DSP: variants seen among roughly 807,000 people sequenced by gnomAD.
DSP encodes desmoplakin, also known as 250/210 kDa paraneoplastic pemphigus antigen.
A neutral mutation model predicts 290.6 loss-of-function variants in DSP; 114 were observed. The observed-to-expected ratio is 0.39, with a 90% CI of 0.34 to 0.46. The LOEUF (loss-of-function observed/expected upper bound fraction) is 0.46. Ranked by LOEUF, DSP falls within the 20% of genes least tolerant of loss-of-function variation. The probability of loss-of-function intolerance (pLI) is 0.99; values close to 1 mark genes in which losing one functional copy is unlikely to be tolerated. For missense variants in DSP, 3,230 were observed against 3,495.8 expected, an observed-to-expected ratio of 0.92 and a Z score of 1.92; for synonymous variants, 1,311 against 1,316.4, an observed-to-expected ratio of 1.00 and a Z score of 0.09.
At chr6:7,544,388 C>T (rs1452414149) in intron 1 of DSP, among the ~76,000 whole-genome samples, 1 of 152,144 alleles carries the variant, frequency 6.6e-6, no homozygotes, top group African/African-American at 2.4e-5. Context: ...CCAAGGGAGC[C>T]ACTGCTCTCT....
chr6:7,546,538 A>G (rs1758175664), intron 1 of DSP, among the ~76,000 whole-genome samples: 1 of 152,196 alleles, frequency 6.6e-6, no homozygotes, highest in Non-Finnish European at 1.5e-5. Flanking sequence ...TAAAATATTT[A>G]AATGGCTTGC....
chr6:7,558,039 T>C, intron 2 of DSP, 77 bp from the exon 3 acceptor site: 3 of 1,520,452 alleles, frequency 2.0e-6, no homozygotes, highest in Non-Finnish European at 2.7e-6. Flanking sequence ...CAGTGGAAGC[T>C]CTTGCTTCCA....
chr6:7,551,285 T>C (rs987597405), intron 1 of DSP, among the ~76,000 whole-genome samples: 1 of 152,064 alleles, frequency 6.6e-6, no homozygotes, highest in African/African-American at 2.4e-5. Flanking sequence ...ATAACATATA[T>C]ATATATAATC....
chr6:7,586,199 C>CT lies in DSP; in HGVS notation c.*322dup, dbSNP rs1759669026. On this transcript the variant is annotated 3_prime_UTR_variant, in exon 24 of 24. Coordinates refer to ENST00000379802, the MANE Select transcript of DSP (RefSeq NM_004415.4). ...TGATCAATTCTTTAATTTTGGAAGC[C>CT]TATAATACAGTTTTCTATTCTTGGA... 8.2e-6 allele frequency: 2 copies of CT among 243,866 alleles called. No individual in the cohort carries two copies. The highest frequency in any genetic ancestry group is 6.4e-5 in the South Asian group (1 of 15,696). The allele number at this position is 243,866 out of a possible 1,614,324, so 15.1% of individuals were successfully genotyped here. A position where few individuals can be genotyped will look rare whatever the true frequency, so the allele number is the denominator to read the frequency against.
Position 7,572,022 on chromosome 6 carries a change from AC to A in DSP, c.2086del (p.Gln696ArgfsTer9). ...RMTLKNLPLA[D>X]QGSSHHITVK... ...ACTCTCAAAAACCTCCCTCTAGCAG[AC>A]CAGGGATCTTCTCACCACATCACAG... On this transcript the variant is annotated frameshift_variant, in exon 15 of 24. Coordinates refer to ENST00000379802, the MANE Select transcript of DSP (RefSeq NM_004415.4). LOFTEE classifies it high-confidence loss of function. 6.2e-7 allele frequency: 1 copy of A among 1,614,182 alleles called. No homozygotes were observed. The highest frequency in any genetic ancestry group is 2.2e-5 in the East Asian group (1 of 44,874).
At chr6:7,578,922 T>G (rs1759329404) in intron 22 of DSP, among the ~76,000 whole-genome samples, 2 of 152,250 alleles carry the variant, frequency 1.3e-5, no homozygotes, top group African/African-American at 4.8e-5. Flanking sequence ...TCATTTATGA[T>G]ACTTAAATTG....
At chr6:7,573,768 A>C (rs983490744) in intron 15 of DSP, among the ~76,000 whole-genome samples, 2 of 152,136 alleles carry the variant, frequency 1.3e-5, no homozygotes, top group South Asian at 4.1e-4. Flanking sequence ...GGGAGGGAGG[A>C]GGAAATGGGA....
In DSP at chr6:7,585,656, T is replaced by A. The variant is rs775346694; in HGVS notation, c.8394T>A (p.Thr2798=). Residue 2798 remains threonine (T), a synonymous_variant, in exon 24 of 24, where the codon ACT becomes ACA. Coordinates refer to ENST00000379802, the MANE Select transcript of DSP (RefSeq NM_004415.4). The part of the protein sequence containing the change: ...AINRSMVEDI[T]GLRLLEAASV... The stretch of plus-strand genomic sequence containing the variant: ...ATCGCTCCATGGTAGAAGATATCAC[T>A]GGGCTGCGCCTTCTGGAAGCCGCCT... 15 of 1,614,122 alleles carry A rather than the reference T, an allele frequency of 9.3e-6. 1 individual carries two copies. The Middle Eastern group carries it at 4.9e-4, about 53-fold the overall frequency.
At chr6:7,573,934 C>T in intron 15 of DSP, 152 bp from the exon 16 acceptor site, 2 of 848,672 alleles carry the variant, frequency 2.4e-6, no homozygotes, top group South Asian at 1.6e-5. Context: ...AAAAAGATAA[C>T]CATGGAAGTT....
chr6:7,551,389 G>A (rs1309672284), intron 1 of DSP, among the ~76,000 whole-genome samples: 1 of 152,152 alleles, frequency 6.6e-6, no homozygotes, highest in Non-Finnish European at 1.5e-5. Flanking sequence ...CACTTTGGGA[G>A]GCCAAGGCGG....
At chr6:7,543,929 C>A (rs1047081319) in intron 1 of DSP, among the ~76,000 whole-genome samples, 5 of 152,178 alleles carry the variant, frequency 3.3e-5, no homozygotes, top group Admixed American at 2.0e-4. Flanking sequence ...TAATTTTGGG[C>A]AGGCTCCATG....
rs772975659 is a variant in DSP at position 7,583,467 on chromosome 6, G to A, written c.6205G>A (p.Val2069Ile). 1 of 1,614,058 alleles carries A rather than the reference G, an allele frequency of 6.2e-7. No individual in the cohort carries two copies. The highest frequency in any genetic ancestry group is 2.2e-5 in the East Asian group (1 of 44,898). ...TCCCCATCGGAATGAGAAGCTGACT[G>A]TCGACAGTGCCATAGCTCGGGACCT... ...IDPHRNEKLT[V>I]DSAIARDLID... The change falls in exon 24 of 24, where the codon GTC (valine) becomes ATC (isoleucine). Residue 2069 changes from valine (V) to isoleucine (I), a missense_variant. This residue lies in a region of DSP where 1,714 missense variants were observed against 1,844.5 expected (regional missense o/e 0.93). Transcript: ENST00000379802. The surrounding 1 kb of genome is among the most constrained non-coding windows in gnomAD (Gnocchi z 4.0).
Position 7,579,399 on chromosome 6 carries a change from C to G in DSP, c.3209C>G (p.Ser1070Cys), listed in dbSNP as rs1759344147. ...QNLQKYQAEC[S>C]QFKAKLASLE... ...CTGCAGAAATACCAGGCAGAGTGTT[C>G]CCAGTTCAAAGCGAAGCTTGCGAGC... The change falls in exon 23 of 24, where the codon TCC becomes TGC. Residue 1070 changes from serine to cysteine, a missense_variant. Coordinates refer to ENST00000379802, the MANE Select transcript of DSP (RefSeq NM_004415.4). This position sits in a 1 kb window ranked among gnomAD's most constrained non-coding sequence, Gnocchi z 4.1. 6.2e-7 allele frequency: 1 copy of G among 1,614,046 alleles called. No homozygotes were observed. Among genetic ancestry groups the G allele is most frequent in the Non-Finnish European group, 8.5e-7 (1 of 1,180,044 alleles).
At chr6:7,551,912 A>G (rs2237102) in intron 1 of DSP, among the ~76,000 whole-genome samples, 40,451 of 152,008 alleles carry the variant, frequency 0.27, 5,898 homozygotes, top group African/African-American at 0.38. Context: ...TTCACAAGGT[A>G]TATACCTAGT....
chr6:7,574,110 A>C lies in DSP; in HGVS notation c.2155A>C (p.Ile719Leu), dbSNP rs1057520654. ...GAGTGTGCAGAATGATTCACAAGCAATTGCTGAGGTTCTCAACCAGCTTAA... is the reference window on the plus strand; with the variant it reads ...GAGTGTGCAGAATGATTCACAAGCACTTGCTGAGGTTCTCAACCAGCTTAA... ...LKSVQNDSQA[I>L]AEVLNQLKDM... Residue 719 changes from isoleucine (I) to leucine (L), a missense_variant, in exon 16 of 24, where the codon ATT becomes CTT. Physicochemically the swap from Ile to Leu is conservative, Grantham distance 5. Coordinates refer to ENST00000379802, the MANE Select transcript of DSP (RefSeq NM_004415.4). 6.2e-7 allele frequency: 1 copy of C among 1,614,136 alleles called. No individual in the cohort carries two copies. Among genetic ancestry groups the C allele is most frequent in the Non-Finnish European group, 8.5e-7 (1 of 1,179,986 alleles).
In DSP at chr6:7,585,724, C is replaced by A. The variant is rs201826850; in HGVS notation, c.8462C>A (p.Ser2821Ter). 6.2e-7 allele frequency: 1 copy of A among 1,612,286 alleles called. No homozygotes were observed. Among genetic ancestry groups the A allele is most frequent in the Non-Finnish European group, 8.5e-7 (1 of 1,179,144 alleles). The change falls in exon 24 of 24, where the codon TCG (serine) becomes TAG (stop). Residue 2821 changes from serine to a stop codon, truncating the protein, a stop_gained. Transcript: ENST00000379802. LOFTEE classifies it high-confidence loss of function. ...TTACCCAGCCCTTACAACATGTCTT[C>A]GGCTCCGGGGTCCCGCTCCGGCTCC... ...KGLPSPYNMS[S>*]APGSRSGSRS... is the part of the protein sequence containing the mutation.
At chr6:7,544,464 G>A (rs947656218) in intron 1 of DSP, among the ~76,000 whole-genome samples, 6 of 150,340 alleles carry the variant, frequency 4.0e-5, no homozygotes, top group Non-Finnish European at 8.9e-5. Flanking sequence ...CTAAATAAAG[G>A]TTTTTGTGGT....
chr6:7,571,059 T>C (rs1759028417), intron 13 of DSP, among the ~76,000 whole-genome samples: 1 of 152,032 alleles, frequency 6.6e-6, no homozygotes, highest in Admixed American at 6.6e-5. Context: ...GCACAGAAAG[T>C]ACCTTTTGGG....
chr6:7,568,449 A>G lies in DSP; in HGVS notation c.1279A>G (p.Lys427Glu), dbSNP rs1430756602. 6.2e-7 allele frequency: 1 copy of G among 1,614,020 alleles called. No homozygotes were observed. The highest frequency in any genetic ancestry group is 1.3e-5 in the African/African-American group (1 of 74,944). The change falls in exon 11 of 24, where the codon AAA (lysine) becomes GAA (glutamate). Residue 427 changes from lysine (K) to glutamate (E), a missense_variant. Transcript: ENST00000379802. ...TTCACCATTGCAGAAAGAACGAGAG[A>G]AAATCCTTGAATACAAGCGTCAGGT... Reference protein sequence around the residue: ...QIKELEKEREKILEYKRQVQN... With the variant: ...QIKELEKEREEILEYKRQVQN...
Sources: allele counts gnomAD v4.1 joint callset (sites outside exome capture counted in the v4.1 genomes callset), GRCh38; gene constraint gnomAD v4.1.1; regional missense constraint gnomAD v4.1.1; non-coding constraint Gnocchi (gnomAD v3.1); transcripts MANE v1.5; gene names NCBI Gene and HGNC (gene_info 2026-07-23, HGNC 2026-07-21).